LHB: variants seen among roughly 807,000 people sequenced by gnomAD.
The protein encoded by LHB is lutropin subunit beta.
Under a neutral mutation model 10.6 loss-of-function variants are expected in LHB, and 11 were observed. That is an observed-to-expected ratio of 1.04 (90% confidence interval 0.66 to 1.72). The LOEUF is 1.72. Among genes scored for constraint, LHB ranks in the 40% most tolerant of loss-of-function variants. The pLI is 0.00. For missense variants in LHB, 184 were observed against 197.3 expected (o/e 0.93, Z 0.41); for synonymous variants, 86 against 83.1 (o/e 1.03, Z -0.19).
Position 49,016,206 on chromosome 19 carries a change from C to T in LHB, c.288G>A (p.Val96=). 1 of 1,612,618 alleles carries T rather than the reference C, an allele frequency of 6.2e-7. No homozygotes were observed. Residue 96 remains valine (V), a synonymous_variant, in exon 3 of 3, where the codon GTG becomes GTA. Coordinates refer to ENST00000649238, the MANE Select transcript of LHB (RefSeq NM_000894.3). ...CCACAGGGAAGGAGACCACGGGGTCCACACCACGCGGGCAGCCAGGGAGCC... is the reference window on the plus strand; with the variant it reads ...CCACAGGGAAGGAGACCACGGGGTCTACACCACGCGGGCAGCCAGGGAGCC... ...SIRLPGCPRG[V]DPVVSFPVAL...
rs6521 is a variant in LHB, at chr19:49,016,616, G to A, written c.114C>T (p.Val38=). Residue 38 remains valine (V), a synonymous_variant, in exon 2 of 3, where the codon GTC becomes GTT. Coordinates refer to ENST00000649238, the MANE Select transcript of LHB (RefSeq NM_000894.3). ...WCHPINAILA[V]EKEGCPVCIT... ...TGCACACTGGGCAGCCCTCCTTCTC[G>A]ACAGCCAGGATGGCATTGATGGGGT... 4.8e-5 allele frequency: 78 copies of A among 1,610,276 alleles called. No individual in the cohort carries two copies. The highest frequency in any genetic ancestry group is 6.4e-5 in the Non-Finnish European group (75 of 1,179,220).
chr19:49,017,801 C>T, upstream of LHB: 1 of 401,062 alleles, frequency 2.5e-6, no homozygotes, highest in Non-Finnish European at 4.4e-6. Flanking sequence ...CTCCGTGATG[C>T]CGCAGCTGAG....
At chr19:49,019,124 A>T, upstream of LHB, 1 of 1,429,580 alleles carries the variant, frequency 7.0e-7, no homozygotes, top group Non-Finnish European at 9.1e-7. Flanking sequence ...CACGGCCCTC[A>T]CACCCCGCCC....
upstream of LHB, chr19:49,017,754 C>T (rs909665779): frequency 5.3e-5 from 22 of 418,088 alleles, no homozygotes; most frequent in African/African-American, 1.4e-4. Context: ...CCCCCGGGGC[C>T]ACAGCCTGCA....
At chr19:49,018,724 G>C, upstream of LHB, 1 of 690,786 alleles carries the variant, frequency 1.4e-6, no homozygotes, top group South Asian at 1.9e-5. Flanking sequence ...AAAAGGGAGG[G>C]GCTGAGGCCT....
At chr19:49,017,590 C>G (rs1430707319), upstream of LHB, 15 of 1,092,642 alleles carry the variant, frequency 1.4e-5, no homozygotes, top group East Asian at 7.9e-4. Flanking sequence ...GACCCAGATG[C>G]CCCCAAGGAG....
upstream of LHB, chr19:49,017,589 G>A (rs1266195636): frequency 4.4e-5 from 48 of 1,091,722 alleles, no homozygotes; most frequent in Non-Finnish European, 5.1e-5. Flanking sequence ...TGACCCAGAT[G>A]CCCCCAAGGA....
rs374110086 is a variant in LHB, at chr19:49,016,328, G to A, written c.184-18C>T. 1.1e-5 allele frequency: 17 copies of A among 1,609,134 alleles called. No homozygotes were observed. The East Asian group carries it at 1.6e-4, about 15-fold the overall frequency. On this transcript the variant is annotated intron_variant, in intron 2 of 2. Coordinates refer to ENST00000649238, the MANE Select transcript of LHB (RefSeq NM_000894.3). ...ACGCGCATCTGGAGGCCGTGTGAGT[G>A]GGGGAATGAGCATGTGCCTGAGGCC... is the stretch of plus-strand genomic sequence containing the variant.
At position 49,017,052 on chromosome 19, in the gene LHB, G is replaced by C; in HGVS notation, c.15+15C>G. 6.2e-7 allele frequency: 1 copy of C among 1,613,734 alleles called. No homozygotes were observed. On this transcript the variant is annotated intron_variant, in intron 1 of 2. Coordinates refer to ENST00000649238, the MANE Select transcript of LHB (RefSeq NM_000894.3). Reference sequence around the variant, plus strand: ...GGAAGGAGGTGGAAGGTGCCCAGGGGCCCTGTAGTCTTACCTGGAGCATCT... The same window carrying C: ...GGAAGGAGGTGGAAGGTGCCCAGGGCCCCTGTAGTCTTACCTGGAGCATCT...
In LHB at chr19:49,016,394, G is replaced by A. The variant is rs1359852038; in HGVS notation, c.184-84C>T. ...CTCCCAAGCTGACCCCACAGGTCCT[G>A]GACTCAGGAGCCCAGGAAGCCCTCT... On this transcript the variant is annotated intron_variant, in intron 2 of 2. Transcript: ENST00000649238. 1,093 of 1,599,266 alleles carry A rather than the reference G, an allele frequency of 6.8e-4. 9 individuals are homozygous for A. In the African/African-American group the frequency reaches 0.013, roughly 19 times the overall value.
In LHB at chr19:49,017,058, T is replaced by C. The variant is rs2387589; in HGVS notation, c.15+9A>G. The C allele has an allele frequency of 0.49, 786,539 of 1,613,472 alleles. 194,287 individuals carry two copies. The highest frequency in any genetic ancestry group is 0.61 in the Admixed American group (36,672 of 60,004). Reference sequence around the variant, plus strand: ...AGGTGGAAGGTGCCCAGGGGCCCTGTAGTCTTACCTGGAGCATCTCCATCC... The same window carrying C: ...AGGTGGAAGGTGCCCAGGGGCCCTGCAGTCTTACCTGGAGCATCTCCATCC... On this transcript the variant is annotated intron_variant, in intron 1 of 2. Coordinates refer to ENST00000649238, the MANE Select transcript of LHB (RefSeq NM_000894.3).
chr19:49,017,605 T>G, upstream of LHB: 3 of 1,070,338 alleles, frequency 2.8e-6, no homozygotes, highest in South Asian at 4.0e-5. Context: ...AAGGAGGGAT[T>G]AAGCCCGAGC....
chr19:49,017,165 G>C (rs2039569991), upstream of LHB: 1 of 1,599,152 alleles, frequency 6.3e-7, no homozygotes, highest in Non-Finnish European at 8.6e-7. Context: ...GTGATAGGAT[G>C]CTGGGGTAAC....
In LHB at chr19:49,016,199, C is replaced by G; in HGVS notation, c.295G>C (p.Val99Leu). ...LPGCPRGVDP[V>L]VSFPVALSCR... ...CTGAGAGCCACAGGGAAGGAGACCA[C>G]GGGGTCCACACCACGCGGGCAGCCA... The change falls in exon 3 of 3, where the codon GTG becomes CTG. Residue 99 changes from valine to leucine, a missense_variant. Transcript: ENST00000649238. The G allele has an allele frequency of 6.2e-7, 1 of 1,612,662 alleles. No homozygotes were observed. The highest frequency in any genetic ancestry group is 8.5e-7 in the Non-Finnish European group (1 of 1,179,974).
At chr19:49,019,360 G>C (rs967313110), upstream of LHB, 3 of 1,223,242 alleles carry the variant, frequency 2.5e-6, 1 homozygote, top group Non-Finnish European at 1.0e-6. Flanking sequence ...GCAACTCCAA[G>C]TTACCTCTCC....
rs201811537 is a variant in LHB at position 49,016,349 on chromosome 19, A to G, written c.184-39T>C. 9.5e-4 allele frequency: 1,525 copies of G among 1,606,698 alleles called. 11 individuals are homozygous for G. The African/African-American group carries it at 0.017, about 18-fold the overall frequency. On this transcript the variant is annotated intron_variant, in intron 2 of 2. Coordinates refer to ENST00000649238, the MANE Select transcript of LHB (RefSeq NM_000894.3). ...GAGTGGGGGAATGAGCATGTGCCTGAGGCCAGCGCCTCAGCTGAGCTCCCA... is the reference window on the plus strand; with the variant it reads ...GAGTGGGGGAATGAGCATGTGCCTGGGGCCAGCGCCTCAGCTGAGCTCCCA...
upstream of LHB, chr19:49,017,463 C>T: frequency 8.8e-7 from 1 of 1,138,842 alleles, no homozygotes. Flanking sequence ...CCTCAACCCT[C>T]CACTTGAGGC....
rs763023790 is a variant in LHB at position 49,016,760 on chromosome 19, G to A, written c.16-46C>T. 25 of 1,599,220 alleles carry A rather than the reference G, an allele frequency of 1.6e-5. No individual in the cohort carries two copies. In the Admixed American group the frequency reaches 2.5e-4, roughly 16 times the overall value. On this transcript the variant is annotated intron_variant, in intron 1 of 2. Coordinates refer to ENST00000649238, the MANE Select transcript of LHB (RefSeq NM_000894.3). ...CACCCAGGTCTGAGACCGCAGCCCC[G>A]AGTCCTGGCCTTCCCATCCCGCGTG...
At chr19:49,019,422 A>G, upstream of LHB, 1 of 1,256,370 alleles carries the variant, frequency 8.0e-7, no homozygotes, top group Non-Finnish European at 1.0e-6. Flanking sequence ...CCCCACCCAC[A>G]GCCCGCCGTC....
Sources: allele counts gnomAD v4.1 joint callset, GRCh38; gene constraint gnomAD v4.1.1; transcripts MANE v1.5; gene names NCBI Gene and HGNC (gene_info 2026-07-23, HGNC 2026-07-21).